Variants in EYS observed in about 807,000 individuals in gnomAD.
EYS encodes EGF-like photoreceptor maintenance factor.
EYS carries 250 observed loss-of-function variants against 282.1 expected under a neutral mutation model. The observed-to-expected ratio is 0.89, with a 90% CI of 0.80 to 0.98. The LOEUF is 0.98. Among genes scored for constraint, EYS ranks in the 50% least tolerant of loss-of-function variants. The pLI, the probability that EYS is intolerant of heterozygous loss-of-function variation, is 0.00. For missense variants in EYS, 4,016 were observed against 3,709.0 expected, an observed-to-expected ratio of 1.08 and a Z score of -2.15; for synonymous variants, 1,355 against 1,282.9, an observed-to-expected ratio of 1.06 and a Z score of -1.20.
chr6:64,858,910 T>G (rs1455992714), intron 19 of EYS, among the ~76,000 whole-genome samples: 1 of 152,124 alleles, frequency 6.6e-6, no homozygotes, highest in African/African-American at 2.4e-5. Context: ...GAAAGCTTTT[T>G]CTCTAAGATC....
chr6:64,701,314 A>G (rs1372531872), intron 22 of EYS, among the ~76,000 whole-genome samples: 2 of 152,162 alleles, frequency 1.3e-5, no homozygotes, highest in Non-Finnish European at 2.9e-5. Flanking sequence ...CTAGGCAAAG[A>G]ATTCAAAAGC....
chr6:64,489,572 A>G (rs1290247528), intron 26 of EYS, among the ~76,000 whole-genome samples: 1 of 147,634 alleles, frequency 6.8e-6, no homozygotes, highest in African/African-American at 2.4e-5. Flanking sequence ...ATATAAAAAT[A>G]TTTTATGTTA....
chr6:64,406,378 G>T (rs1357109319), intron 28 of EYS, among the ~76,000 whole-genome samples: 1 of 152,044 alleles, frequency 6.6e-6, no homozygotes, highest in African/African-American at 2.4e-5. Context: ...AACCTAGGCA[G>T]TATCATTCAG....
intron 1 of EYS, among the ~76,000 whole-genome samples, chr6:65,680,358 C>T (rs572386647): frequency 6.6e-6 from 1 of 152,006 alleles, no homozygotes; most frequent in African/African-American, 2.4e-5. Flanking sequence ...GATAATCATA[C>T]TATTTGTTTT....
chr6:65,598,250 A>C (rs1445116431), intron 2 of EYS, among the ~76,000 whole-genome samples: 22 of 48,678 alleles, frequency 4.5e-4, no homozygotes, highest in Admixed American at 1.3e-3. Context: ...CCCCCCCCCA[A>C]AAAAAAAAAC....
chr6:64,725,068 A>G (rs1771709163), intron 22 of EYS, among the ~76,000 whole-genome samples: 1 of 152,162 alleles, frequency 6.6e-6, no homozygotes, highest in African/African-American at 2.4e-5. Context: ...AGAAAGTAAA[A>G]GAAGAGATAA....
chr6:65,022,737 T>G (rs1772286113), intron 13 of EYS, among the ~76,000 whole-genome samples: 1 of 150,374 alleles, frequency 6.7e-6, no homozygotes, highest in African/African-American at 2.4e-5. Flanking sequence ...TAATACAATT[T>G]TATTTTTCTA....
intron 5 of EYS, among the ~76,000 whole-genome samples, chr6:65,426,428 A>G: frequency 6.6e-6 from 1 of 152,170 alleles, no homozygotes; most frequent in Non-Finnish European, 1.5e-5. Flanking sequence ...ATATTTTATT[A>G]TTATCTTTAA....
At chr6:63,834,783 C>T (rs1396756414) in intron 36 of EYS, among the ~76,000 whole-genome samples, 1 of 151,752 alleles carries the variant, frequency 6.6e-6, no homozygotes, top group Admixed American at 6.6e-5. Flanking sequence ...TTCACAATAG[C>T]AAAGACTTGG....
chr6:64,325,477 C>G (rs1770380872), intron 29 of EYS, among the ~76,000 whole-genome samples: 1 of 152,134 alleles, frequency 6.6e-6, no homozygotes, highest in Non-Finnish European at 1.5e-5. Flanking sequence ...AACTAGATAA[C>G]CAACTCTGGT....
intron 31 of EYS, among the ~76,000 whole-genome samples, chr6:64,224,181 T>C (rs974697420): frequency 3.9e-5 from 6 of 152,086 alleles, no homozygotes; most frequent in Middle Eastern, 3.2e-3. Flanking sequence ...ATCTATACTG[T>C]ATTCTGCACA....
intron 15 of EYS, among the ~76,000 whole-genome samples, chr6:64,939,643 G>A (rs977236934): frequency 6.6e-6 from 1 of 151,366 alleles, no homozygotes; most frequent in African/African-American, 2.4e-5. Flanking sequence ...CCAATAGGTG[G>A]ACAAACATAA....
In EYS at chr6:63,788,096, A is replaced by G. The variant is rs766087392; in HGVS notation, c.7723+9T>C. ...AGTAGGTATAATATAAAAAATGTCC[A>G]TGCCTTACCTTGAAAACCATTTTTA... On this transcript the variant is annotated intron_variant, in intron 39 of 42. Transcript: ENST00000503581. 6.8e-5 allele frequency: 103 copies of G among 1,524,674 alleles called. No individual in the cohort carries two copies. In the Admixed American group the frequency reaches 7.4e-4, roughly 11 times the overall value. The allele number at this position is 1,524,674 out of a possible 1,614,324, so 94.4% of individuals were successfully genotyped here. A position where few individuals can be genotyped will look rare whatever the true frequency, so the allele number is the denominator to read the frequency against.
intron 22 of EYS, among the ~76,000 whole-genome samples, chr6:64,743,691 C>A (rs1395165621): frequency 6.6e-6 from 1 of 151,954 alleles, no homozygotes. Flanking sequence ...TTTAAATATC[C>A]AAAGTTCTGG....
At chr6:64,803,596 A>G (rs531723913) in intron 22 of EYS, among the ~76,000 whole-genome samples, 8 of 152,248 alleles carry the variant, frequency 5.3e-5, no homozygotes, top group Non-Finnish European at 8.8e-5. Flanking sequence ...TCCCACCATC[A>G]TCAATCATGT....
chr6:64,598,763 A>G (rs1041702809), intron 24 of EYS, among the ~76,000 whole-genome samples: 3 of 152,226 alleles, frequency 2.0e-5, no homozygotes, highest in Non-Finnish European at 2.9e-5. Flanking sequence ...TCTCCATTAT[A>G]TACTTTGTAT....
intron 14 of EYS, among the ~76,000 whole-genome samples, chr6:64,961,715 A>G (rs1769926425): frequency 6.6e-6 from 1 of 151,892 alleles, no homozygotes; most frequent in Non-Finnish European, 1.5e-5. Flanking sequence ...ATCCTCTCCC[A>G]ACTCACAATC....
chr6:64,832,704 G>C (rs563677241), intron 19 of EYS, among the ~76,000 whole-genome samples: 3 of 151,838 alleles, frequency 2.0e-5, no homozygotes, highest in South Asian at 4.1e-4. Flanking sequence ...ACAGTATCAT[G>C]GATATATGCA....
At chr6:65,207,894 A>G (rs1766076068) in intron 12 of EYS, among the ~76,000 whole-genome samples, 1 of 151,828 alleles carries the variant, frequency 6.6e-6, no homozygotes, top group South Asian at 2.1e-4. Context: ...AAAGATCTGA[A>G]TGTAAGGCCT....
Sources: allele counts gnomAD v4.1 joint callset (sites outside exome capture counted in the v4.1 genomes callset), GRCh38; gene constraint gnomAD v4.1.1; transcripts MANE v1.5; gene names NCBI Gene and HGNC (gene_info 2026-07-23, HGNC 2026-07-21).